The following IRF8 variants were observed in gnomAD, a reference collection of about 807,000 sequenced individuals.
IRF8 encodes interferon regulatory factor 8, also known as interferon consensus sequence binding protein 1.
Under a neutral mutation model 48.7 loss-of-function variants are expected in IRF8, and 14 were observed. That is an observed-to-expected ratio of 0.29 (90% CI 0.19 to 0.45). The LOEUF (loss-of-function observed/expected upper bound fraction) is 0.45, where lower values mean the gene tolerates loss of function less well. Among genes scored for constraint, IRF8 ranks in the 20% least tolerant of loss-of-function variants. The pLI is 1.00. For missense variants in IRF8, 493 were observed against 580.7 expected (o/e 0.85, Z 1.55); for synonymous variants, 278 against 227.3 (o/e 1.22, Z -2.01).
intron 1 of IRF8, among the ~76,000 whole-genome samples, chr16:85,902,049 T>C (rs1904841963): frequency 6.6e-6 from 1 of 151,962 alleles, no homozygotes; most frequent in African/African-American, 2.4e-5. Flanking sequence ...CTCTGTGCTG[T>C]TGGGGAAGCT....
At chr16:85,902,657 C>T (rs12924316) in intron 1 of IRF8, 50,948 of 330,642 alleles carry the variant, frequency 0.15, 4,579 homozygotes, top group East Asian at 0.25. Flanking sequence ...GTGATTCCCC[C>T]TCTCCTTCCA....
At chr16:85,918,829 C>T in intron 7 of IRF8, 26 bp downstream of exon 7, 1 of 1,603,070 alleles carries the variant, frequency 6.2e-7, no homozygotes, top group Non-Finnish European at 8.5e-7. Context: ...ACCTTGCTGC[C>T]CCCACATCTT....
rs141752045 is a variant in IRF8 at position 85,918,391 on chromosome 16, C to T, written c.602-26C>T. 2.3e-4 allele frequency: 360 copies of T among 1,592,434 alleles called. 4 individuals carry two copies. In the East Asian group the frequency reaches 2.8e-3, roughly 12 times the overall value. On this transcript the variant is annotated intron_variant, in intron 6 of 8. Transcript: ENST00000268638. ...GACCCTGTATGTCTCCCCGCAGCAC[C>T]GTCATCGTGTCCCTCTTGTCCACAG...
At chr16:85,912,132 T>A (rs1198499402) in intron 4 of IRF8, among the ~76,000 whole-genome samples, 1 of 152,258 alleles carries the variant, frequency 6.6e-6, no homozygotes, top group Admixed American at 6.5e-5. Context: ...TTTTTATTCC[T>A]TAACGGATTG....
intron 6 of IRF8, among the ~76,000 whole-genome samples, chr16:85,915,292 G>A (rs1352015103): frequency 6.6e-6 from 1 of 152,238 alleles, no homozygotes; most frequent in Non-Finnish European, 1.5e-5. Flanking sequence ...TTCCAGCATT[G>A]GCTGGTTCTG....
At chr16:85,917,776 G>GA (rs1260545945) in intron 6 of IRF8, among the ~76,000 whole-genome samples, 1 of 152,194 alleles carries the variant, frequency 6.6e-6, no homozygotes, top group Admixed American at 6.5e-5. Context: ...ATAATCTTGT[G>GA]ATTACATGTA....
At chr16:85,905,477 C>T (rs1040753150) in intron 2 of IRF8, among the ~76,000 whole-genome samples, 2 of 152,220 alleles carry the variant, frequency 1.3e-5, no homozygotes, top group Non-Finnish European at 2.9e-5. Flanking sequence ...GTTACGCAGT[C>T]GCCTGATGTG....
chr16:85,918,391 C>G, intron 6 of IRF8, 26 bp from the exon 7 acceptor site: 1 of 1,592,434 alleles, frequency 6.3e-7, no homozygotes, highest in Non-Finnish European at 8.5e-7. Flanking sequence ...CCCGCAGCAC[C>G]GTCATCGTGT....
chr16:85,908,993 T>C lies in IRF8; in HGVS notation c.178T>C (p.Trp60Arg). Residue 60 changes from tryptophan (W) to arginine (R), a missense_variant, in exon 3 of 9, where the codon TGG becomes CGG. This residue lies in a region of IRF8 where 31 missense variants were observed against 71.2 expected (regional missense o/e 0.44). Transcript: ENST00000268638. The part of the protein sequence containing the change: ...QEVDASIFKA[W>R]AVFKGKFKEG... Reference sequence around the variant, plus strand: ...GTGCTTCTGTTTCTTTCTTCAGGCCTGGGCAGTTTTTAAAGGGAAGTTTAA... The same window carrying C: ...GTGCTTCTGTTTCTTTCTTCAGGCCCGGGCAGTTTTTAAAGGGAAGTTTAA... 1 of 1,613,856 alleles carries C rather than the reference T, an allele frequency of 6.2e-7. No homozygotes were observed. The highest frequency in any genetic ancestry group is 8.5e-7 in the Non-Finnish European group (1 of 1,179,738).
chr16:85,915,079 C>A (rs997489835), intron 6 of IRF8, among the ~76,000 whole-genome samples: 2 of 152,240 alleles, frequency 1.3e-5, no homozygotes, highest in Non-Finnish European at 2.9e-5. Context: ...TGCCCACCAC[C>A]TCTAGGTGGA....
chr16:85,909,346 G>A, intron 3 of IRF8, 173 bp downstream of exon 3: 1 of 669,284 alleles, frequency 1.5e-6, no homozygotes, highest in Admixed American at 2.2e-5. Flanking sequence ...AGTGACCTCA[G>A]AGGGAAGGGC....
chr16:85,904,680 C>A (rs1338690004), intron 2 of IRF8, among the ~76,000 whole-genome samples: 1 of 152,122 alleles, frequency 6.6e-6, no homozygotes, highest in Non-Finnish European at 1.5e-5. Flanking sequence ...TTGGTGCCCC[C>A]ACACGTTCCA....
In IRF8 at chr16:85,914,436, G is replaced by T. The variant is rs201250460; in HGVS notation, c.554-37G>T. Reference sequence around the variant, plus strand: ...GGGTTACTCCCTGTACACCACACCTGGGTGGCTCTGAGCTTGCTTTTCTGT... The same window carrying T: ...GGGTTACTCCCTGTACACCACACCTTGGTGGCTCTGAGCTTGCTTTTCTGT... On this transcript the variant is annotated intron_variant, in intron 5 of 8. Coordinates refer to ENST00000268638, the MANE Select transcript of IRF8 (RefSeq NM_002163.4). 3 of 1,613,786 alleles carry T rather than the reference G, an allele frequency of 1.9e-6. No homozygotes were observed. The African/African-American group carries it at 4.0e-5, about 22-fold the overall frequency.
intron 2 of IRF8, among the ~76,000 whole-genome samples, chr16:85,906,433 T>C (rs1013129748): frequency 2.6e-5 from 4 of 152,302 alleles, no homozygotes; most frequent in East Asian, 1.9e-4. Flanking sequence ...GTTGACCTTT[T>C]AATGCTGGCC....
At chr16:85,912,732 G>A (rs979645904) in intron 4 of IRF8, among the ~76,000 whole-genome samples, 5 of 152,262 alleles carry the variant, frequency 3.3e-5, no homozygotes, top group Admixed American at 2.0e-4. Flanking sequence ...ACATCTGCAT[G>A]TGGCTCGTTG....
chr16:85,900,731 A>G (rs1402954135), intron 1 of IRF8, among the ~76,000 whole-genome samples: 2 of 152,200 alleles, frequency 1.3e-5, no homozygotes, highest in Non-Finnish European at 2.9e-5. Flanking sequence ...GATGATTTCT[A>G]AAGTATTTTC....
intron 2 of IRF8, among the ~76,000 whole-genome samples, chr16:85,906,955 A>G (rs1223445850): frequency 1.3e-5 from 2 of 152,226 alleles, no homozygotes; most frequent in Non-Finnish European, 2.9e-5. Context: ...GATTTAAAGT[A>G]ATAAAAATTT....
chr16:85,921,177 G>T lies in IRF8; in HGVS notation c.1176G>T (p.Gln392His). The T allele has an allele frequency of 1.9e-6, 3 of 1,614,186 alleles. No individual in the cohort carries two copies. Among genetic ancestry groups the T allele is most frequent in the Non-Finnish European group, 2.5e-6 (3 of 1,180,030 alleles). Residue 392 changes from glutamine to histidine, a missense_variant, in exon 9 of 9, where the codon CAG becomes CAT. Around this residue, in one of 3 missense-constraint regions of IRF8, gnomAD observed 408 missense variants for 449.6 expected, o/e 0.91. Transcript: ENST00000268638. The part of the protein sequence containing the change: ...GKSCGAGSVM[Q>H]APEEPPPDQV... ...GCTGTGGAGCCGGCTCTGTGATGCAGGCCCCCGAGGAGCCGCCGCCAGACC... is the reference window on the plus strand; with the variant it reads ...GCTGTGGAGCCGGCTCTGTGATGCATGCCCCCGAGGAGCCGCCGCCAGACC...
chr16:85,918,388 C>T (rs1379060662), intron 6 of IRF8, 29 bp from the exon 7 acceptor site: 2 of 1,591,648 alleles, frequency 1.3e-6, no homozygotes, highest in Non-Finnish European at 1.7e-6. Flanking sequence ...CTCCCCGCAG[C>T]ACCGTCATCG....
Sources: allele counts gnomAD v4.1 joint callset (sites outside exome capture counted in the v4.1 genomes callset), GRCh38; gene constraint gnomAD v4.1.1; regional missense constraint gnomAD v4.1.1; transcripts MANE v1.5; gene names NCBI Gene and HGNC (gene_info 2026-07-23, HGNC 2026-07-21).